The following TOX3 variants were observed in gnomAD, a reference collection of about 807,000 sequenced individuals.
TOX3 encodes CAG trinucleotide repeat-containing gene F9 protein.
A neutral mutation model predicts 64.3 loss-of-function variants in TOX3; 22 were observed. The ratio of observed to expected loss-of-function variants is 0.34; its 90% CI spans 0.24 to 0.49. TOX3 has a LOEUF of 0.49. Ranked by LOEUF, TOX3 falls within the 20% of genes least tolerant of loss-of-function variation. TOX3 has a pLI of 0.99. For synonymous variants in TOX3, 291 were observed against 273.6 expected (o/e 1.06, Z -0.63); for missense variants, 661 against 714.4 (o/e 0.93, Z 0.85).
At chr16:52,541,150 G>A (rs1963070091) in intron 1 of TOX3, among the ~76,000 whole-genome samples, 1 of 152,094 alleles carries the variant, frequency 6.6e-6, no homozygotes, top group Non-Finnish European at 1.5e-5. Context: ...CCAAAAGCCT[G>A]TGTTATAACA....
Position 52,546,647 on chromosome 16 carries a change from C to T in TOX3, c.77G>A (p.Gly26Asp). Residue 26 changes from glycine (G) to aspartate (D), a missense_variant, in exon 1 of 7, where the codon GGC (glycine) becomes GAC (aspartate). Coordinates refer to ENST00000219746, the MANE Select transcript of TOX3 (RefSeq NM_001080430.4). ...LDFAQCLGYYGYSKFGNNNNY... is the reference protein window; with the variant it reads ...LDFAQCLGYYDYSKFGNNNNY... ...GCCCAGCCCGGTCACCTTGCTGTAG[C>T]CGTAGTACCCCAGGCACTGCGCGAA... The T allele has an allele frequency of 6.5e-7, 1 of 1,541,186 alleles. No individual in the cohort carries two copies. Among genetic ancestry groups the T allele is most frequent in the Non-Finnish European group, 8.7e-7 (1 of 1,146,340 alleles).
chr16:52,526,068 T>C (rs1962721265), intron 1 of TOX3, among the ~76,000 whole-genome samples: 1 of 152,188 alleles, frequency 6.6e-6, no homozygotes, highest in South Asian at 2.1e-4. Context: ...GCTTAAGTAT[T>C]CTCATACTTT....
In TOX3 at chr16:52,450,287, T is replaced by A; in HGVS notation, c.668A>T (p.Glu223Val). The change falls in exon 4 of 7, where the codon GAA becomes GTA. Residue 223 changes from glutamate to valine, a missense_variant. By Grantham distance (121) the Glu-to-Val change is moderately radical. Coordinates refer to ENST00000219746, the MANE Select transcript of TOX3 (RefSeq NM_001080430.4). Reference protein sequence around the residue: ...SSSINEEDADEANRAIGEKRA... With the variant: ...SSSINEEDADVANRAIGEKRA... ...GCAGTTCTAACTTACTCTGTTGGCT[T>A]CATCAGCATCCTCTTCATTGATGGA... is the stretch of plus-strand genomic sequence containing the variant. The A allele has an allele frequency of 6.2e-7, 1 of 1,614,032 alleles. No individual in the cohort carries two copies. Among genetic ancestry groups the A allele is most frequent in the East Asian group, 2.2e-5 (1 of 44,882 alleles).
intron 1 of TOX3, among the ~76,000 whole-genome samples, chr16:52,495,455 G>A (rs1052491994): frequency 1.3e-4 from 20 of 152,166 alleles, no homozygotes; most frequent in African/African-American, 4.3e-4. Context: ...TGTGGGGGAA[G>A]GCAGACCTTA....
chr16:52,506,375 A>G (rs572808346), intron 1 of TOX3, among the ~76,000 whole-genome samples: 8 of 152,350 alleles, frequency 5.3e-5, no homozygotes, highest in African/African-American at 1.9e-4. Context: ...ACGAGAAGGT[A>G]AACCATCTCT....
intron 6 of TOX3, among the ~76,000 whole-genome samples, chr16:52,441,805 T>A (rs1178072786): frequency 2.0e-5 from 3 of 152,190 alleles, no homozygotes; most frequent in Non-Finnish European, 4.4e-5. Context: ...CATGTCATCA[T>A]TATAAGGCAC....
chr16:52,541,790 G>T (rs1271497356), intron 1 of TOX3, among the ~76,000 whole-genome samples: 1 of 152,180 alleles, frequency 6.6e-6, no homozygotes, highest in African/African-American at 2.4e-5. Flanking sequence ...TTCATCAGTA[G>T]CCCAGCATCT....
At chr16:52,491,817 T>C (rs1319160797) in intron 1 of TOX3, among the ~76,000 whole-genome samples, 1 of 152,182 alleles carries the variant, frequency 6.6e-6, no homozygotes, top group Non-Finnish European at 1.5e-5. Context: ...TGAAGCAGAA[T>C]TCCTTTGGTT....
At chr16:52,508,124 C>T (rs45545938) in intron 1 of TOX3, among the ~76,000 whole-genome samples, 4,873 of 152,190 alleles carry the variant, frequency 0.032, 120 homozygotes, top group Non-Finnish European at 0.053. Flanking sequence ...GAAAATGTTT[C>T]CTTTGTTTAA....
intron 1 of TOX3, among the ~76,000 whole-genome samples, chr16:52,484,044 G>A (rs1961441802): frequency 6.6e-6 from 1 of 152,116 alleles, no homozygotes; most frequent in Non-Finnish European, 1.5e-5. Context: ...GGAATATCTA[G>A]ATAATAACAT....
chr16:52,541,758 A>T (rs1010575795), intron 1 of TOX3, among the ~76,000 whole-genome samples: 1 of 152,226 alleles, frequency 6.6e-6, no homozygotes, highest in Non-Finnish European at 1.5e-5. Flanking sequence ...ACTATATGCT[A>T]GTCTCTACTG....
At chr16:52,498,182 T>A (rs1961898504) in intron 1 of TOX3, among the ~76,000 whole-genome samples, 1 of 152,094 alleles carries the variant, frequency 6.6e-6, no homozygotes. Flanking sequence ...ATATATACAA[T>A]CATGTCATCA....
intron 1 of TOX3, among the ~76,000 whole-genome samples, chr16:52,522,625 C>G (rs1472063157): frequency 6.6e-6 from 1 of 152,116 alleles, no homozygotes; most frequent in Non-Finnish European, 1.5e-5. Flanking sequence ...GTGTGCAGGA[C>G]AGGGTGACAG....
Position 52,494,218 on chromosome 16 carries a change from T to C in TOX3, c.88-25644A>G, listed in dbSNP as rs775167182. On this transcript the variant is annotated intron_variant, in intron 1 of 6. Coordinates refer to ENST00000219746, the MANE Select transcript of TOX3 (RefSeq NM_001080430.4). Reference sequence around the variant, plus strand: ...CAACTCCCTTGCATTTTGATGCGGGTTGGGGGGCAGGCAATTTAGCTCTTA... The same window carrying C: ...CAACTCCCTTGCATTTTGATGCGGGCTGGGGGGCAGGCAATTTAGCTCTTA... Among the ~76,000 whole-genome samples the C allele has an allele frequency of 2.0e-5, 3 of 152,218 alleles. No individual in the cohort carries two copies. The East Asian group carries it at 5.8e-4, about 29-fold the overall frequency.
intron 1 of TOX3, among the ~76,000 whole-genome samples, chr16:52,518,555 C>G (rs1048196186): frequency 1.3e-5 from 2 of 152,160 alleles, no homozygotes; most frequent in African/African-American, 4.8e-5. Flanking sequence ...AAAACGTCTT[C>G]TCTATATTGT....
intron 1 of TOX3, among the ~76,000 whole-genome samples, chr16:52,499,056 G>A (rs1961932565): frequency 6.6e-6 from 1 of 152,178 alleles, no homozygotes; most frequent in African/African-American, 2.4e-5. Context: ...TAATAAGAGA[G>A]GTGCTGATTT....
chr16:52,546,511 AG>A (rs2151494326), intron 1 of TOX3, 125 bp downstream of exon 1: 1 of 805,550 alleles, frequency 1.2e-6, no homozygotes, highest in African/African-American at 1.8e-5. Flanking sequence ...GAAGGCTCAA[AG>A]GTAGAAGAGA....
chr16:52,538,026 T>C (rs908378013), intron 1 of TOX3, among the ~76,000 whole-genome samples: 1 of 152,206 alleles, frequency 6.6e-6, no homozygotes, highest in African/African-American at 2.4e-5. Context: ...TTTAACTCAG[T>C]TTGACTGAAG....
intron 3 of TOX3, among the ~76,000 whole-genome samples, chr16:52,454,218 G>C (rs1292521877): frequency 6.6e-6 from 1 of 151,710 alleles, no homozygotes; most frequent in African/African-American, 2.4e-5. Flanking sequence ...TATAAATTGA[G>C]GTTCCTCATA....
Sources: allele counts gnomAD v4.1 joint callset (sites outside exome capture counted in the v4.1 genomes callset), GRCh38; gene constraint gnomAD v4.1.1; transcripts MANE v1.5; gene names NCBI Gene and HGNC (gene_info 2026-07-23, HGNC 2026-07-21).